The following KCNN2 variants were observed in gnomAD, a reference collection of about 807,000 sequenced individuals.
The protein encoded by KCNN2 is potassium calcium-activated channel subfamily N member 2, also known as small conductance calcium-activated potassium channel protein 2.
In KCNN2, 24 loss-of-function variants were observed where a neutral mutation model predicts 55.5. That is an observed-to-expected ratio of 0.43 (90% CI 0.31 to 0.61). The LOEUF is 0.61. Among genes scored for constraint, KCNN2 ranks in the 20% least tolerant of loss-of-function variants. The probability of loss-of-function intolerance (pLI) is 0.08; values close to 1 mark genes in which losing one functional copy is unlikely to be tolerated. For missense variants in KCNN2, 754 were observed against 853.6 expected (o/e 0.88, Z 1.45); for synonymous variants, 431 against 336.1 (o/e 1.28, Z -3.09).
intron 1 of KCNN2, among the ~76,000 whole-genome samples, chr5:114,081,243 T>C (rs1414028818): frequency 6.6e-6 from 1 of 152,040 alleles, no homozygotes; most frequent in African/African-American, 2.4e-5. Context: ...TTCAATGCAC[T>C]CCCTATTAAA....
At chr5:114,294,002 G>A (rs910083596) in intron 2 of KCNN2, among the ~76,000 whole-genome samples, 7 of 152,280 alleles carry the variant, frequency 4.6e-5, no homozygotes, top group South Asian at 2.1e-4. Flanking sequence ...AGTATTCTCC[G>A]ATGGTAGTTT....
chr5:114,295,716 C>T (rs376045968), intron 2 of KCNN2, among the ~76,000 whole-genome samples: 2 of 152,108 alleles, frequency 1.3e-5, no homozygotes, highest in African/African-American at 4.8e-5. Flanking sequence ...CTTTCCTGCA[C>T]CCACTGTCTG....
At chr5:114,298,209 G>C (rs997982043) in intron 2 of KCNN2, among the ~76,000 whole-genome samples, 1 of 152,190 alleles carries the variant, frequency 6.6e-6, no homozygotes. Context: ...CTTTAATGTA[G>C]ACAAAAGATG....
intron 2 of KCNN2, among the ~76,000 whole-genome samples, chr5:114,379,406 T>C (rs922148508): frequency 2.1e-4 from 32 of 148,860 alleles, no homozygotes; most frequent in African/African-American, 7.6e-4. Flanking sequence ...TGAATATACT[T>C]ACTGAATATT....
intron 2 of KCNN2, among the ~76,000 whole-genome samples, chr5:114,300,300 A>T (rs1010224755): frequency 6.6e-6 from 1 of 151,228 alleles, no homozygotes; most frequent in African/African-American, 2.4e-5. Flanking sequence ...ATGGAAATCA[A>T]CTCTTTGTTC....
chr5:114,268,925 A>G (rs934714692), intron 2 of KCNN2, among the ~76,000 whole-genome samples: 9 of 151,862 alleles, frequency 5.9e-5, no homozygotes, highest in African/African-American at 1.9e-4. Flanking sequence ...CAGGTCTCCC[A>G]GCCATCTGTC....
chr5:114,237,088 G>A (rs1345207980), intron 2 of KCNN2, among the ~76,000 whole-genome samples: 1 of 151,978 alleles, frequency 6.6e-6, no homozygotes, highest in Non-Finnish European at 1.5e-5. Context: ...GATTCTCTTG[G>A]GGATATATTT....
At chr5:114,165,356 T>C (rs1337396568) in intron 1 of KCNN2, among the ~76,000 whole-genome samples, 3 of 152,212 alleles carry the variant, frequency 2.0e-5, no homozygotes, top group Non-Finnish European at 4.4e-5. Flanking sequence ...TTCCACTTGA[T>C]GAATAGTAAA....
At chr5:114,065,896 C>T (rs1472644498) in intron 1 of KCNN2, among the ~76,000 whole-genome samples, 1 of 62,184 alleles carries the variant, frequency 1.6e-5, no homozygotes, top group Non-Finnish European at 2.9e-5. Flanking sequence ...ATGGGGAAAA[C>T]AATTTTGGTT....
intron 2 of KCNN2, among the ~76,000 whole-genome samples, chr5:114,321,220 C>A (rs1756607916): frequency 6.6e-6 from 1 of 152,176 alleles, no homozygotes; most frequent in Admixed American, 6.5e-5. Context: ...TTGTTCTTCT[C>A]TCTCCTTACC....
chr5:114,334,657 A>T (rs900774093), intron 2 of KCNN2, among the ~76,000 whole-genome samples: 2 of 152,080 alleles, frequency 1.3e-5, no homozygotes, highest in African/African-American at 4.8e-5. Flanking sequence ...TAACATTACT[A>T]AAGTTTCTCA....
intron 1 of KCNN2, among the ~76,000 whole-genome samples, chr5:114,192,141 A>G (rs1018491316): frequency 3.3e-5 from 5 of 152,196 alleles, no homozygotes; most frequent in Non-Finnish European, 7.4e-5. Context: ...TTCTTTTTGA[A>G]TTGATTTATT....
chr5:114,376,621 G>T (rs1757955593), intron 2 of KCNN2, among the ~76,000 whole-genome samples: 1 of 152,176 alleles, frequency 6.6e-6, no homozygotes, highest in Admixed American at 6.5e-5. Flanking sequence ...TCATTAATTT[G>T]CTCACATTTC....
chr5:114,436,647 T>C (rs1284739715), intron 3 of KCNN2, among the ~76,000 whole-genome samples: 3 of 152,210 alleles, frequency 2.0e-5, no homozygotes, highest in African/African-American at 4.8e-5. Context: ...GTGTATAACA[T>C]TGACATTTAA....
At chr5:114,339,037 G>A (rs570623190) in intron 2 of KCNN2, among the ~76,000 whole-genome samples, 5 of 152,326 alleles carry the variant, frequency 3.3e-5, no homozygotes, top group South Asian at 2.1e-4. Flanking sequence ...GGCAGCCTTC[G>A]CTGTTGCTCT....
chr5:114,207,652 C>T (rs1415278429), intron 1 of KCNN2, among the ~76,000 whole-genome samples: 2 of 152,110 alleles, frequency 1.3e-5, no homozygotes, highest in South Asian at 2.1e-4. Context: ...GAAAGGCAAT[C>T]GAGACCATTT....
intron 1 of KCNN2, among the ~76,000 whole-genome samples, chr5:114,219,335 C>G (rs1237992052): frequency 6.6e-6 from 1 of 152,186 alleles, no homozygotes; most frequent in South Asian, 2.1e-4. Context: ...TCATGGCTCC[C>G]AAGCTCTTGT....
chr5:114,260,343 T>C (rs750754939), intron 2 of KCNN2, among the ~76,000 whole-genome samples: 12 of 152,222 alleles, frequency 7.9e-5, no homozygotes, highest in Non-Finnish European at 1.2e-4. Context: ...TGTGACCTCA[T>C]CTTTAAATTG....
At chr5:114,320,909 G>A (rs971207740) in intron 2 of KCNN2, among the ~76,000 whole-genome samples, 1 of 152,080 alleles carries the variant, frequency 6.6e-6, no homozygotes, top group Admixed American at 6.5e-5. Flanking sequence ...TTTTTCATGA[G>A]GTTCAAGAGG....
Sources: gnomAD v4.1 joint callset for allele counts (sites outside exome capture counted in the v4.1 genomes callset) on GRCh38, gnomAD v4.1.1 for gene constraint, MANE v1.5 for transcripts, NCBI Gene and HGNC (gene_info 2026-07-23, HGNC 2026-07-21) for gene names.